NF1: variants seen among roughly 807,000 people sequenced by gnomAD.
The protein encoded by NF1 is neurofibromin 1.
A neutral mutation model predicts 325.7 loss-of-function variants in NF1; 122 were observed. That is an observed-to-expected ratio of 0.37 (90% CI 0.32 to 0.44). NF1 has a LOEUF of 0.44. Ranked by LOEUF, NF1 falls within the 20% of genes least tolerant of loss-of-function variation. NF1 has a pLI of 1.00. For synonymous variants in NF1, 1,091 were observed against 1,186.0 expected, an observed-to-expected ratio of 0.92 and a Z score of 1.65; for missense variants, 2,140 against 3,415.4, an observed-to-expected ratio of 0.63 and a Z score of 9.31.
At chr17:31,218,702 G>T (rs781704237) in intron 13 of NF1, among the ~76,000 whole-genome samples, 1 of 151,988 alleles carries the variant, frequency 6.6e-6, no homozygotes, top group Non-Finnish European at 1.5e-5. Flanking sequence ...CTCCCAAGTG[G>T]CTGGGACCAC....
intron 8 of NF1, among the ~76,000 whole-genome samples, chr17:31,190,280 T>A (rs573109629): frequency 1.3e-5 from 2 of 151,846 alleles, no homozygotes; most frequent in South Asian, 4.2e-4. Context: ...ACAAAAAAAA[T>A]AAAATAGTAT....
intron 35 of NF1, among the ~76,000 whole-genome samples, chr17:31,263,454 A>G (rs1342971239): frequency 1.3e-5 from 2 of 151,206 alleles, no homozygotes; most frequent in Non-Finnish European, 2.9e-5. Flanking sequence ...AAAAATATAA[A>G]TAAGTAAAAA....
chr17:31,333,712 G>T (rs147661391), intron 39 of NF1, among the ~76,000 whole-genome samples: 1 of 152,168 alleles, frequency 6.6e-6, no homozygotes, highest in African/African-American at 2.4e-5. Context: ...AGATGAAAAG[G>T]TTCTAGAGAT....
intron 36 of NF1, chr17:31,318,572 T>C (rs1181888036): frequency 1.9e-6 from 3 of 1,613,988 alleles, no homozygotes; most frequent in Non-Finnish European, 2.5e-6. Context: ...AAGGTACAGA[T>C]AAGAAAAAGC....
chr17:31,200,986 A>G, intron 9 of NF1, 51 bp from the exon 10 acceptor site: 1 of 1,610,920 alleles, frequency 6.2e-7, no homozygotes, highest in Middle Eastern at 2.2e-4. Flanking sequence ...TTAGTAAAGA[A>G]ATACTGCATG....
intron 1 of NF1, among the ~76,000 whole-genome samples, chr17:31,100,127 C>CA (rs1337535589): frequency 2.6e-5 from 4 of 151,526 alleles, no homozygotes; most frequent in Non-Finnish European, 4.4e-5. Flanking sequence ...ACATAAAAGC[C>CA]AAAAAACCCA....
At chr17:31,286,343 T>G (rs1376052894) in intron 36 of NF1, among the ~76,000 whole-genome samples, 2 of 152,170 alleles carry the variant, frequency 1.3e-5, no homozygotes, top group African/African-American at 2.4e-5. Flanking sequence ...AATCTGCCTG[T>G]CTTGGCTCCC....
chr17:31,330,630 T>A (rs573686660), intron 39 of NF1, 132 bp downstream of exon 39: 1 of 722,694 alleles, frequency 1.4e-6, no homozygotes, highest in South Asian at 1.9e-5. Context: ...TGATTTTATA[T>A]CTGTGGTATC....
Position 31,336,570 on chromosome 17 carries a change from T to C in NF1, c.6148-65T>C. ...ATTACTTTTAAATTAAACTGAACTTTTTTGTGCTAAAACTTTGAGTCCCAT... is the reference window on the plus strand; with the variant it reads ...ATTACTTTTAAATTAAACTGAACTTCTTTGTGCTAAAACTTTGAGTCCCAT... On this transcript the variant is annotated intron_variant, in intron 41 of 57. Coordinates refer to ENST00000358273, the MANE Select transcript of NF1 (RefSeq NM_001042492.3). This position sits in a 1 kb window ranked among gnomAD's most constrained non-coding sequence, Gnocchi z 5.5. 1.3e-6 allele frequency: 2 copies of C among 1,584,892 alleles called. No individual in the cohort carries two copies. Among genetic ancestry groups the C allele is most frequent in the Non-Finnish European group, 1.7e-6 (2 of 1,164,570 alleles).
intron 4 of NF1, among the ~76,000 whole-genome samples, chr17:31,169,584 T>G (rs2065899202): frequency 6.6e-6 from 1 of 152,168 alleles, no homozygotes; most frequent in Non-Finnish European, 1.5e-5. Context: ...CCCACTCTGT[T>G]ACTCAGGCTG....
chr17:31,200,532 C>T lies in NF1; in HGVS notation c.999C>T (p.Tyr333=), dbSNP rs1466912192. ...TCAAACTGTGTAAAGCAAGTACTTA[C>T]ATCAATTGGGAAGATAACTCTGTCA... ...ACVKLCKAST[Y]INWEDNSVIF... is the part of the protein sequence containing the mutation. Residue 333 remains tyrosine, a synonymous_variant, in exon 9 of 58, where the codon TAC becomes TAT. Coordinates refer to ENST00000358273, the MANE Select transcript of NF1 (RefSeq NM_001042492.3). The T allele has an allele frequency of 6.2e-6, 10 of 1,614,154 alleles. No individual in the cohort carries two copies. The highest frequency in any genetic ancestry group is 7.6e-6 in the Non-Finnish European group (9 of 1,180,016).
At chr17:31,166,106 C>T (rs577225191) in intron 4 of NF1, among the ~76,000 whole-genome samples, 2 of 152,088 alleles carry the variant, frequency 1.3e-5, no homozygotes, top group Non-Finnish European at 2.9e-5. Context: ...TCCACAAATG[C>T]AGTTGATCTA....
At chr17:31,238,154 G>C (rs1323188279) in intron 29 of NF1, among the ~76,000 whole-genome samples, 1 of 152,100 alleles carries the variant, frequency 6.6e-6, no homozygotes, top group Non-Finnish European at 1.5e-5. Context: ...AGTGCCTAGA[G>C]AGTTAAAACT....
chr17:31,359,101 G>T (rs2070343618), intron 56 of NF1, 86 bp downstream of exon 56: 1 of 1,069,466 alleles, frequency 9.4e-7, no homozygotes, highest in South Asian at 1.3e-5. Flanking sequence ...CACACAATGT[G>T]CTGAAAACCA....
At chr17:31,319,885 T>C (rs1008076961) in intron 36 of NF1, among the ~76,000 whole-genome samples, 2 of 151,738 alleles carry the variant, frequency 1.3e-5, no homozygotes, top group Non-Finnish European at 2.9e-5. Flanking sequence ...TAAAAAAAAA[T>C]GTGTAATAAA....
intron 36 of NF1, chr17:31,318,173 G>T: frequency 1.7e-6 from 2 of 1,164,270 alleles, no homozygotes; most frequent in Non-Finnish European, 2.4e-6. Flanking sequence ...TGTCTCACCT[G>T]CTTGATTCTA....
chr17:31,249,240 A>G, intron 30 of NF1, 121 bp downstream of exon 30: 1 of 1,135,488 alleles, frequency 8.8e-7, no homozygotes, highest in Non-Finnish European at 1.3e-6. Context: ...GTCAGTTTGG[A>G]TGAATAATAC....
In NF1 at chr17:31,184,666, A is replaced by AAAAAAAAAAAAAAAT. The variant is rs1567828025; in HGVS notation, c.888+2007_888+2008insAAAAAAAATAAAAAA. Among the ~76,000 whole-genome samples the AAAAAAAAAAAAAAAT allele has an allele frequency of 6.3e-4, 88 of 140,520 alleles. 1 individual carries two copies. The highest frequency in any genetic ancestry group is 1.1e-3 in the Non-Finnish European group (70 of 63,234). 92.2% of individuals were successfully genotyped at this position (140,520 alleles called of 152,430 possible). ...CCGTCTCAAAAAAAAAAAATAAAAA[A>AAAAAAAAAAAAAAAT]AAAAAATAAAAAAATAAAATAGAAA... On this transcript the variant is annotated intron_variant, in intron 8 of 57. Transcript: ENST00000358273.
chr17:31,175,107 CAAAAAAAAAAAAAA>C (rs1171161386), intron 5 of NF1, among the ~76,000 whole-genome samples: 1 of 29,032 alleles, frequency 3.4e-5, no homozygotes, highest in Non-Finnish European at 5.5e-5. Flanking sequence ...GACTCCATCT[CAAAAAAAAAAAAAA>C]AAAAAAAAAA....
Sources: allele counts gnomAD v4.1 joint callset (sites outside exome capture counted in the v4.1 genomes callset), GRCh38; gene constraint gnomAD v4.1.1; non-coding constraint Gnocchi (gnomAD v3.1); transcripts MANE v1.5; gene names NCBI Gene and HGNC (gene_info 2026-07-23, HGNC 2026-07-21).